UGT1A6: variants seen among roughly 807,000 people sequenced by gnomAD.
UGT1A6 encodes the protein UDP-glucuronosyltransferase 1A6.
A neutral mutation model predicts 44.4 loss-of-function variants in UGT1A6; 32 were observed. That is an observed-to-expected ratio of 0.72 (90% CI 0.54 to 0.97). UGT1A6 has a LOEUF of 0.97. UGT1A6 is among the 50% of genes least tolerant of loss of function. The probability of loss-of-function intolerance (pLI) is 0.00; values close to 1 mark genes in which losing one functional copy is unlikely to be tolerated. For missense variants in UGT1A6, 685 were observed against 661.9 expected (o/e 1.03, Z -0.38); for synonymous variants, 238 against 248.5 (o/e 0.96, Z 0.40).
intron 1 of UGT1A6, chr2:233,719,003 C>A: frequency 6.2e-7 from 1 of 1,614,256 alleles, no homozygotes; most frequent in Non-Finnish European, 8.5e-7. Flanking sequence ...CGGTGGTCCT[C>A]ACCCCAGAGG....
At chr2:233,723,536 T>TTA (rs1553611580) in intron 1 of UGT1A6, among the ~76,000 whole-genome samples, 38,386 of 120,724 alleles carry the variant, frequency 0.32, 7,068 homozygotes, top group South Asian at 0.41. Flanking sequence ...TTTTTTTTTT[T>TTA]AATTTATTTT....
At position 233,725,305 on chromosome 2, in the gene UGT1A6, C is replaced by G. The variant is rs59627078; in HGVS notation, c.861+31440C>G. 2.6e-4 allele frequency among the ~76,000 whole-genome samples: 9 copies of G among 33,972 alleles called. 3 individuals are homozygous for G. Among genetic ancestry groups the G allele is most frequent in the African/African-American group, 6.7e-4 (2 of 2,968 alleles). The allele number at this position is 33,972 out of a possible 152,430, so 22.3% of individuals were successfully genotyped here. A position where few individuals can be genotyped will look rare whatever the true frequency, so the allele number is the denominator to read the frequency against. ...GCAGAGGCAGAGGCAGAGGCAGAGG[C>G]AGAGGCAGAGGCGCCTGGTCAACAA... On this transcript the variant is annotated intron_variant, in intron 1 of 4. Coordinates refer to ENST00000305139, the MANE Select transcript of UGT1A6 (RefSeq NM_001072.4).
intron 1 of UGT1A6, among the ~76,000 whole-genome samples, chr2:233,758,732 C>A (rs1469644124): frequency 2.0e-5 from 3 of 152,176 alleles, no homozygotes; most frequent in Non-Finnish European, 4.4e-5. Flanking sequence ...CTAAGCACAT[C>A]CCCAAGTATG....
At chr2:233,698,811 CT>C (rs1271175599) in intron 1 of UGT1A6, among the ~76,000 whole-genome samples, 1 of 152,244 alleles carries the variant, frequency 6.6e-6, no homozygotes, top group Non-Finnish European at 1.5e-5. Context: ...CCAGCCTCGC[CT>C]TGTGGAAGAG....
intron 1 of UGT1A6, among the ~76,000 whole-genome samples, chr2:233,707,211 T>C (rs1292471081): frequency 6.6e-6 from 1 of 151,794 alleles, no homozygotes; most frequent in East Asian, 1.9e-4. Flanking sequence ...CCTTTCCATC[T>C]TTTCTCTGAC....
intron 1 of UGT1A6, among the ~76,000 whole-genome samples, chr2:233,711,092 G>A (rs138181984): frequency 6.6e-6 from 1 of 152,130 alleles, no homozygotes; most frequent in Admixed American, 6.5e-5. Flanking sequence ...AAGTCTATCT[G>A]TGCAGCCCAG....
chr2:233,740,631 C>T (rs1198172888), intron 1 of UGT1A6: 3 of 151,760 alleles, frequency 2.0e-5, no homozygotes, highest in Admixed American at 2.0e-4. Flanking sequence ...CAGGGTCATG[C>T]CTTTCCTTGC....
intron 1 of UGT1A6, chr2:233,712,956 G>A: frequency 1.2e-6 from 2 of 1,612,860 alleles, no homozygotes; most frequent in Non-Finnish European, 1.7e-6. Flanking sequence ...GGCACAACGT[G>A]GGGTGGACAG....
intron 1 of UGT1A6, among the ~76,000 whole-genome samples, chr2:233,725,934 T>C (rs986998234): frequency 1.6e-4 from 25 of 152,166 alleles, no homozygotes; most frequent in Admixed American, 5.2e-4. Context: ...GGGAGACTGA[T>C]GCAGGAGGAT....
intron 1 of UGT1A6, among the ~76,000 whole-genome samples, chr2:233,751,287 T>G (rs1462877412): frequency 6.6e-6 from 1 of 151,922 alleles, no homozygotes; most frequent in Admixed American, 6.5e-5. Context: ...GTTTCTCCCA[T>G]TTGGAATGGG....
chr2:233,717,209 C>T (rs555628633), intron 1 of UGT1A6, among the ~76,000 whole-genome samples: 6 of 152,284 alleles, frequency 3.9e-5, no homozygotes, highest in South Asian at 4.2e-4. Flanking sequence ...ACCCTCACCC[C>T]GGGCTCATCA....
At chr2:233,705,536 G>A (rs915166566) in intron 1 of UGT1A6, among the ~76,000 whole-genome samples, 5 of 152,188 alleles carry the variant, frequency 3.3e-5, no homozygotes, top group Non-Finnish European at 7.3e-5. Flanking sequence ...CTTCAGCTGT[G>A]AAGAGCAGCT....
intron 1 of UGT1A6, among the ~76,000 whole-genome samples, chr2:233,752,079 A>T (rs1159289644): frequency 6.6e-6 from 1 of 152,210 alleles, no homozygotes; most frequent in Non-Finnish European, 1.5e-5. Flanking sequence ...AAGTCTCTCT[A>T]CCTGTTTGGA....
intron 1 of UGT1A6, chr2:233,760,819 A>C (rs1210599713): frequency 1.2e-6 from 2 of 1,613,450 alleles, no homozygotes. Context: ...ACTGCCATGC[A>C]GCCTGGAATT....
intron 1 of UGT1A6, chr2:233,755,362 C>T (rs1695882393): frequency 8.2e-6 from 3 of 365,832 alleles, no homozygotes; most frequent in Admixed American, 3.9e-5. Context: ...CGACCTGGGC[C>T]GCCTGGAGGG....
rs548037824 is a variant in UGT1A6, at chr2:233,759,409, G to A, written c.862-7625G>A. ...ACTCAGAGTAACCGTGTGACCTGTAGTAAGCAAAGGGCCAGTTGGCTCTAT... is the reference window on the plus strand; with the variant it reads ...ACTCAGAGTAACCGTGTGACCTGTAATAAGCAAAGGGCCAGTTGGCTCTAT... On this transcript the variant is annotated intron_variant, in intron 1 of 4. Transcript: ENST00000305139. 7.2e-5 allele frequency among the ~76,000 whole-genome samples: 11 copies of A among 152,280 alleles called. 1 individual carries two copies. The South Asian group carries it at 2.3e-3, about 32-fold the overall frequency.
intron 1 of UGT1A6, among the ~76,000 whole-genome samples, chr2:233,696,656 A>G (rs1320841888): frequency 6.6e-6 from 1 of 152,188 alleles, no homozygotes; most frequent in Non-Finnish European, 1.5e-5. Flanking sequence ...GACTTCCAGT[A>G]CTATGAAGAA....
chr2:233,718,670 T>C (rs1422403188), intron 1 of UGT1A6: 2 of 1,550,504 alleles, frequency 1.3e-6, no homozygotes, highest in Non-Finnish European at 1.7e-6. Flanking sequence ...TATAGATTAA[T>C]GGGTAATAAG....
chr2:233,693,916 C>T (rs1297331080), intron 1 of UGT1A6, 51 bp downstream of exon 1: 2 of 1,611,140 alleles, frequency 1.2e-6, no homozygotes, highest in South Asian at 1.1e-5. Flanking sequence ...AGGCTCTGTC[C>T]TCCCTCACTC....
Sources: allele counts gnomAD v4.1 joint callset (sites outside exome capture counted in the v4.1 genomes callset), GRCh38; gene constraint gnomAD v4.1.1; transcripts MANE v1.5; gene names NCBI Gene and HGNC (gene_info 2026-07-23, HGNC 2026-07-21).